ABI3BP: variants seen among roughly 807,000 people sequenced by gnomAD.
The protein encoded by ABI3BP is target of Nesh-SH3.
ABI3BP carries 216 observed loss-of-function variants against 268.6 expected under a neutral mutation model. That is an observed-to-expected ratio of 0.80 (90% confidence interval 0.72 to 0.90). The LOEUF (loss-of-function observed/expected upper bound fraction) is 0.90. ABI3BP is among the 40% of genes least tolerant of loss of function. The probability of loss-of-function intolerance (pLI) is 0.00; values close to 1 mark genes in which losing one functional copy is unlikely to be tolerated. For synonymous variants in ABI3BP, 730 were observed against 730.0 expected, an observed-to-expected ratio of 1.00 and a Z score of 0.00; for missense variants, 2,090 against 2,182.4, an observed-to-expected ratio of 0.96 and a Z score of 0.84.
chr3:100,962,564 A>G (rs1211318532), intron 1 of ABI3BP, among the ~76,000 whole-genome samples: 2 of 152,168 alleles, frequency 1.3e-5, no homozygotes, highest in East Asian at 3.9e-4. Flanking sequence ...ACTATGAAAT[A>G]GCTTCTGTGT....
chr3:100,993,320 T>C lies in ABI3BP; in HGVS notation c.65A>G (p.Gln22Arg). 6 of 1,551,696 alleles carry C rather than the reference T, an allele frequency of 3.9e-6. No individual in the cohort carries two copies. Among genetic ancestry groups the C allele is most frequent in the Non-Finnish European group, 5.2e-6 (6 of 1,146,856 alleles). ...AGGCTACTTGCCTTTTGGCAATTTC[T>C]GTGCATTTCCCAGGGCTAGTGTAAT... ...GSITLALGNA[Q>R]KLPKGKRPNL... Residue 22 changes from glutamine (Q) to arginine (R), a missense_variant, in exon 1 of 68, where the codon CAG becomes CGG. Transcript: ENST00000471714.
At chr3:100,945,999 T>C (rs1387736513) in intron 1 of ABI3BP, among the ~76,000 whole-genome samples, 1 of 152,188 alleles carries the variant, frequency 6.6e-6, no homozygotes, top group African/African-American at 2.4e-5. Context: ...TGTCTTGTTT[T>C]ATCAATGTCA....
At chr3:100,984,021 C>A (rs921553177) in intron 1 of ABI3BP, among the ~76,000 whole-genome samples, 1 of 152,020 alleles carries the variant, frequency 6.6e-6, no homozygotes, top group African/African-American at 2.4e-5. Context: ...TACTTGCAAC[C>A]TTTAAATTTT....
intron 53 of ABI3BP, among the ~76,000 whole-genome samples, chr3:100,795,472 A>ATAC (rs2097317661): frequency 6.6e-6 from 1 of 152,040 alleles, no homozygotes; most frequent in Admixed American, 6.6e-5. Flanking sequence ...AACTTACCAC[A>ATAC]TACTAGTATG....
At chr3:100,935,494 G>T (rs896704824) in intron 1 of ABI3BP, among the ~76,000 whole-genome samples, 1 of 152,078 alleles carries the variant, frequency 6.6e-6, no homozygotes, top group African/African-American at 2.4e-5. Context: ...ATTGAAAGTA[G>T]TTTTTTCCAA....
chr3:100,876,519 G>C lies in ABI3BP; in HGVS notation c.738C>G (p.Ile246Met). 6.2e-7 allele frequency: 1 copy of C among 1,613,090 alleles called. No homozygotes were observed. Among genetic ancestry groups the C allele is most frequent in the Non-Finnish European group, 8.5e-7 (1 of 1,179,322 alleles). Reference sequence around the variant, plus strand: ...CCAGAGCAGACAAATTACCTTGCTTGATGATTGTTATTGGGATTAGTTTCC... The same window carrying C: ...CCAGAGCAGACAAATTACCTTGCTTCATGATTGTTATTGGGATTAGTTTCC... ...VPRKLIPITI[I>M]KQVIQNVTHK... Residue 246 changes from isoleucine to methionine, a missense_variant, in exon 7 of 68, where the codon ATC becomes ATG. Coordinates refer to ENST00000471714, the MANE Select transcript of ABI3BP (RefSeq NM_001375547.2).
chr3:100,916,382 A>G (rs1358440220), intron 2 of ABI3BP, among the ~76,000 whole-genome samples: 1 of 152,210 alleles, frequency 6.6e-6, no homozygotes, highest in Non-Finnish European at 1.5e-5. Flanking sequence ...GGAGTCAGGA[A>G]TAATTTACAC....
chr3:100,991,869 C>G (rs13064121), intron 1 of ABI3BP, among the ~76,000 whole-genome samples: 3 of 151,670 alleles, frequency 2.0e-5, no homozygotes, highest in Non-Finnish European at 4.4e-5. Flanking sequence ...CTGGGATTGT[C>G]CAGAAGTTTG....
intron 1 of ABI3BP, among the ~76,000 whole-genome samples, chr3:100,940,025 C>T (rs1240775380): frequency 6.6e-6 from 1 of 152,122 alleles, no homozygotes; most frequent in Non-Finnish European, 1.5e-5. Context: ...GCCCGGCTCA[C>T]CGGTGGTCAG....
chr3:100,796,511 C>T, intron 51 of ABI3BP, 43 bp from the exon 52 acceptor site: 1 of 1,454,122 alleles, frequency 6.9e-7, no homozygotes, highest in Non-Finnish European at 9.4e-7. Context: ...TCTAAATAAC[C>T]CAACTGGAGT....
At position 100,899,414 on chromosome 3, in the gene ABI3BP, C is replaced by A. The variant is rs562335430; in HGVS notation, c.329-520G>T. 1.1e-3 allele frequency among the ~76,000 whole-genome samples: 165 copies of A among 152,214 alleles called. 2 individuals are homozygous for A. The highest frequency in any genetic ancestry group is 3.9e-3 in the African/African-American group (160 of 41,526). On this transcript the variant is annotated intron_variant, in intron 3 of 67. Transcript: ENST00000471714. ...TTTAACCTATTTAGAAGTGTAAAAT[C>A]TCTTCATGTTATTGTAGTAAGTATA... is the stretch of plus-strand genomic sequence containing the variant.
At chr3:100,980,186 T>C (rs554437736) in intron 1 of ABI3BP, among the ~76,000 whole-genome samples, 7 of 152,360 alleles carry the variant, frequency 4.6e-5, no homozygotes, top group East Asian at 1.9e-4. Flanking sequence ...CAAAAATTCA[T>C]TGTGTGTCAC....
chr3:100,965,506 CA>C (rs10576624), intron 1 of ABI3BP, among the ~76,000 whole-genome samples: 97,377 of 146,542 alleles, frequency 0.66, 32,172 homozygotes, highest in East Asian at 0.81. Flanking sequence ...CTGAATAAAA[CA>C]AAAAAAAAAA....
At chr3:100,760,804 T>C (rs1484279577) in intron 63 of ABI3BP, among the ~76,000 whole-genome samples, 1 of 152,214 alleles carries the variant, frequency 6.6e-6, no homozygotes, top group Non-Finnish European at 1.5e-5. Flanking sequence ...ATTTTTCTTT[T>C]AGTTTAACAA....
chr3:100,778,497 G>C, intron 58 of ABI3BP, 121 bp from the exon 59 acceptor site: 1 of 816,214 alleles, frequency 1.2e-6, no homozygotes, highest in East Asian at 2.7e-5. Flanking sequence ...GGATGACAGA[G>C]AATAGATTCT....
chr3:100,833,830 C>G (rs1415984045), intron 29 of ABI3BP, among the ~76,000 whole-genome samples: 1 of 152,226 alleles, frequency 6.6e-6, no homozygotes, highest in Non-Finnish European at 1.5e-5. Flanking sequence ...AGCAGCATTA[C>G]TGTCCAACTA....
At chr3:100,966,484 A>T (rs1042737002) in intron 1 of ABI3BP, among the ~76,000 whole-genome samples, 1 of 152,196 alleles carries the variant, frequency 6.6e-6, no homozygotes, top group African/African-American at 2.4e-5. Flanking sequence ...TAATGTATTT[A>T]CTATCCAGTC....
chr3:100,863,786 A>G, intron 12 of ABI3BP: 1 of 518,870 alleles, frequency 1.9e-6, no homozygotes, highest in African/African-American at 1.9e-5. Context: ...GAATTAAAAG[A>G]ATCAAACATA....
intron 66 of ABI3BP, among the ~76,000 whole-genome samples, chr3:100,752,042 A>AG (rs1318351609): frequency 6.6e-6 from 1 of 152,144 alleles, no homozygotes; most frequent in African/African-American, 2.4e-5. Flanking sequence ...ATTCTACCTT[A>AG]GGCCTTTGAC....
Sources: allele counts gnomAD v4.1 joint callset (sites outside exome capture counted in the v4.1 genomes callset), GRCh38; gene constraint gnomAD v4.1.1; transcripts MANE v1.5; gene names NCBI Gene and HGNC (gene_info 2026-07-23, HGNC 2026-07-21).